The following SPAG16 variants were observed in gnomAD, a reference collection of about 807,000 sequenced individuals.
The protein encoded by SPAG16 is sperm-associated antigen 16 protein.
SPAG16 carries 86 observed loss-of-function variants against 80.4 expected under a neutral mutation model. The ratio of observed to expected loss-of-function variants is 1.07; its 90% CI spans 0.90 to 1.28. The LOEUF is 1.28. Ranked by LOEUF, SPAG16 falls within the 50% of genes most tolerant of loss-of-function variation. The pLI is 0.00. For synonymous variants in SPAG16, 294 were observed against 265.9 expected (o/e 1.11, Z -1.03); for missense variants, 870 against 765.3 (o/e 1.14, Z -1.61).
At chr2:214,209,220 C>A (rs889570997) in intron 15 of SPAG16, among the ~76,000 whole-genome samples, 2 of 152,036 alleles carry the variant, frequency 1.3e-5, no homozygotes, top group East Asian at 1.9e-4. Context: ...GTTATTATAT[C>A]TCTTCATGCC....
chr2:213,829,611 C>T (rs2073508718), intron 10 of SPAG16, among the ~76,000 whole-genome samples: 2 of 152,140 alleles, frequency 1.3e-5, no homozygotes, highest in Admixed American at 6.5e-5. Flanking sequence ...TGCTGGATCA[C>T]ACCTGAAGGC....
At chr2:213,831,471 T>C (rs1157505345) in intron 10 of SPAG16, among the ~76,000 whole-genome samples, 1 of 152,066 alleles carries the variant, frequency 6.6e-6, no homozygotes, top group East Asian at 1.9e-4. Flanking sequence ...TTGTGTCAAA[T>C]TAGATGAAGT....
intron 9 of SPAG16, among the ~76,000 whole-genome samples, chr2:213,486,492 G>A (rs1484670552): frequency 6.6e-6 from 1 of 152,016 alleles, no homozygotes; most frequent in African/African-American, 2.4e-5. Flanking sequence ...AATATTATTC[G>A]GCCATAAAAA....
chr2:213,396,453 C>G (rs535463610), intron 9 of SPAG16: 80 of 199,524 alleles, frequency 4.0e-4, no homozygotes, highest in African/African-American at 1.1e-3. Context: ...TAGTTTTGCT[C>G]TTGTATATGA....
chr2:213,723,232 C>T (rs2066608165), intron 10 of SPAG16, among the ~76,000 whole-genome samples: 1 of 152,104 alleles, frequency 6.6e-6, no homozygotes, highest in Non-Finnish European at 1.5e-5. Context: ...CAGTAAGTAG[C>T]CTGCCCCTGT....
chr2:213,481,544 T>TAC (rs1280579421), intron 9 of SPAG16, among the ~76,000 whole-genome samples: 4 of 152,196 alleles, frequency 2.6e-5, no homozygotes, highest in Non-Finnish European at 5.9e-5. Flanking sequence ...AAGCAATAAC[T>TAC]ACATACTATG....
chr2:213,928,803 A>G (rs1054668024), intron 11 of SPAG16, among the ~76,000 whole-genome samples: 2 of 152,052 alleles, frequency 1.3e-5, no homozygotes, highest in South Asian at 2.1e-4. Flanking sequence ...GTATATTACA[A>G]TTCGGTGAGA....
At chr2:213,487,818 A>G (rs985803208) in intron 9 of SPAG16, among the ~76,000 whole-genome samples, 1 of 152,038 alleles carries the variant, frequency 6.6e-6, no homozygotes, top group Admixed American at 6.5e-5. Context: ...CCATCTTGCT[A>G]TATTTTCTAA....
At chr2:214,043,639 G>T (rs998403781) in intron 13 of SPAG16, among the ~76,000 whole-genome samples, 2 of 152,088 alleles carry the variant, frequency 1.3e-5, no homozygotes, top group African/African-American at 4.8e-5. Flanking sequence ...CATTTACCTG[G>T]TTGCAGCTCT....
intron 10 of SPAG16, among the ~76,000 whole-genome samples, chr2:213,572,993 C>T (rs531185717): frequency 6.6e-6 from 1 of 152,166 alleles, no homozygotes; most frequent in Admixed American, 6.5e-5. Flanking sequence ...TGGGAGTGAC[C>T]CGATTTTCCA....
intron 13 of SPAG16, among the ~76,000 whole-genome samples, chr2:214,033,693 T>A (rs914569072): frequency 3.9e-5 from 6 of 152,206 alleles, no homozygotes; most frequent in Admixed American, 2.0e-4. Context: ...TATTTTTTTT[T>A]ATATTTTTCT....
chr2:214,341,005 T>C (rs1333529283), intron 15 of SPAG16, among the ~76,000 whole-genome samples: 1 of 152,184 alleles, frequency 6.6e-6, no homozygotes, highest in African/African-American at 2.4e-5. Context: ...AGGACACAGA[T>C]CATTGGAAAA....
chr2:213,291,414 A>C (rs1394025889), intron 1 of SPAG16, among the ~76,000 whole-genome samples: 1 of 152,204 alleles, frequency 6.6e-6, no homozygotes, highest in Non-Finnish European at 1.5e-5. Flanking sequence ...GGAAATTTTA[A>C]ATATAAATTA....
At chr2:213,331,461 A>G (rs945266191) in intron 5 of SPAG16, among the ~76,000 whole-genome samples, 1 of 152,244 alleles carries the variant, frequency 6.6e-6, no homozygotes, top group African/African-American at 2.4e-5. Flanking sequence ...TATTAGAGCT[A>G]AAGAGAGGGA....
chr2:213,759,198 A>G lies in SPAG16; in HGVS notation c.1071-103287A>G, dbSNP rs572663948. ...GCAGAGTGAAATGAGAAGACACTAG[A>G]CAGTAACTTGAAGTTGTGTAAAGAA... is the stretch of plus-strand genomic sequence containing the variant. On this transcript the variant is annotated intron_variant, in intron 10 of 15. Transcript: ENST00000331683. 3.3e-4 allele frequency among the ~76,000 whole-genome samples: 50 copies of G among 152,308 alleles called. 1 individual carries two copies. Among genetic ancestry groups the G allele is most frequent in the Middle Eastern group, 3.4e-3 (1 of 294 alleles).
chr2:214,141,758 T>C (rs1364814143), intron 14 of SPAG16, among the ~76,000 whole-genome samples: 1 of 152,200 alleles, frequency 6.6e-6, no homozygotes, highest in Non-Finnish European at 1.5e-5. Flanking sequence ...TGAAATGTCT[T>C]TAAAATATTT....
At chr2:213,812,338 CA>C (rs2072214207) in intron 10 of SPAG16, among the ~76,000 whole-genome samples, 1 of 152,158 alleles carries the variant, frequency 6.6e-6, no homozygotes, top group Non-Finnish European at 1.5e-5. Context: ...CAAATGAAAC[CA>C]GAGTGTGGCA....
chr2:214,313,141 GTCAAA>G (rs1390574976), intron 15 of SPAG16, among the ~76,000 whole-genome samples: 1 of 151,806 alleles, frequency 6.6e-6, no homozygotes, highest in African/African-American at 2.4e-5. Flanking sequence ...AAACAGGTAA[GTCAAA>G]TCAAACATTT....
chr2:213,504,473 G>C (rs2074878842), intron 10 of SPAG16, among the ~76,000 whole-genome samples: 1 of 151,854 alleles, frequency 6.6e-6, no homozygotes, highest in African/African-American at 2.4e-5. Context: ...TTGAACTTGA[G>C]GGCAAAAAAA....
Sources: gnomAD v4.1 joint callset for allele counts (sites outside exome capture counted in the v4.1 genomes callset) on GRCh38, gnomAD v4.1.1 for gene constraint, MANE v1.5 for transcripts, NCBI Gene and HGNC (gene_info 2026-07-23, HGNC 2026-07-21) for gene names.